Variants in USP25 observed in about 807,000 individuals in gnomAD.
The protein encoded by USP25 is ubiquitin carboxyl-terminal hydrolase 25.
USP25 carries 85 observed loss-of-function variants against 158.5 expected under a neutral mutation model. That is an observed-to-expected ratio of 0.54 (90% CI 0.45 to 0.64). USP25 has a LOEUF of 0.64. Among genes scored for constraint, USP25 ranks in the 30% least tolerant of loss-of-function variants. USP25 has a pLI of 0.00. For synonymous variants in USP25, 464 were observed against 460.4 expected, an observed-to-expected ratio of 1.01 and a Z score of -0.10; for missense variants, 1,242 against 1,327.3, an observed-to-expected ratio of 0.94 and a Z score of 1.00.
intron 6 of USP25, among the ~76,000 whole-genome samples, chr21:15,800,068 C>T (rs886775466): frequency 1.7e-4 from 25 of 150,988 alleles, no homozygotes; most frequent in Non-Finnish European, 3.1e-4. Context: ...TTTGGTGTCG[C>T]TTTAGTAATT....
chr21:15,801,089 TCTC>T (rs2036112215), intron 6 of USP25, among the ~76,000 whole-genome samples: 1 of 151,528 alleles, frequency 6.6e-6, no homozygotes, highest in Admixed American at 6.6e-5. Flanking sequence ...TCTTCTCTCT[TCTC>T]ATATCTCAAA....
At chr21:15,805,078 C>T (rs377081660) in intron 6 of USP25, 43 bp from the exon 7 acceptor site, 2 of 1,525,348 alleles carry the variant, frequency 1.3e-6, no homozygotes, top group Non-Finnish European at 8.7e-7. Context: ...TTTTCTTAAT[C>T]TTCAGTTAAG....
chr21:15,833,296 A>G (rs370246017), intron 16 of USP25, 52 bp from the exon 17 acceptor site: 20 of 1,544,584 alleles, frequency 1.3e-5, no homozygotes, highest in Non-Finnish European at 1.8e-5. Context: ...TGAGCTTTGC[A>G]TTTTCCCTTT....
intron 3 of USP25, 102 bp from the exon 4 acceptor site, chr21:15,777,802 A>C: frequency 1.8e-6 from 2 of 1,087,128 alleles, no homozygotes; most frequent in East Asian, 5.7e-5. Context: ...ATTAGTTGGT[A>C]CTGACTGGTT....
chr21:15,765,947 T>C (rs754532808), intron 2 of USP25, 50 bp from the exon 3 acceptor site: 16 of 1,550,364 alleles, frequency 1.0e-5, no homozygotes, highest in Middle Eastern at 3.5e-4. Flanking sequence ...CTTTTTTTGA[T>C]GGATAAAATT....
chr21:15,870,111 A>G lies in USP25; in HGVS notation c.2849A>G (p.Tyr950Cys), dbSNP rs1193093910. Residue 950 changes from tyrosine to cysteine, a missense_variant, in exon 23 of 26, where the codon TAT becomes TGT. Transcript: ENST00000400183. ...DYRKFRETTMYLIIGLENFQR... is the reference protein window; with the variant it reads ...DYRKFRETTMCLIIGLENFQR... Reference sequence around the variant, plus strand: ...AGGAAATTCAGGGAAACAACTATGTATCTCATAATTGGGCTAGAAAATTTT... The same window carrying G: ...AGGAAATTCAGGGAAACAACTATGTGTCTCATAATTGGGCTAGAAAATTTT... 1.1e-5 allele frequency: 18 copies of G among 1,609,942 alleles called. No homozygotes were observed. The highest frequency in any genetic ancestry group is 8.5e-7 in the Non-Finnish European group (1 of 1,178,172).
At chr21:15,857,923 C>T (rs1402797964) in intron 20 of USP25, among the ~76,000 whole-genome samples, 3 of 152,016 alleles carry the variant, frequency 2.0e-5, no homozygotes, top group African/African-American at 4.8e-5. Flanking sequence ...CTCCTTTTCA[C>T]GCTGACTTGA....
intron 14 of USP25, among the ~76,000 whole-genome samples, chr21:15,828,911 A>G (rs1433204726): frequency 6.6e-6 from 1 of 152,198 alleles, no homozygotes; most frequent in Non-Finnish European, 1.5e-5. Context: ...TGCTGGGATT[A>G]CAGGCGTGAG....
intron 6 of USP25, among the ~76,000 whole-genome samples, chr21:15,800,255 C>G (rs1221247533): frequency 4.0e-5 from 6 of 151,160 alleles, no homozygotes; most frequent in Admixed American, 3.3e-4. Flanking sequence ...CAGTACAAAT[C>G]TGTATCTTTC....
At chr21:15,807,372 T>C (rs1490197874) in intron 7 of USP25, among the ~76,000 whole-genome samples, 1 of 152,256 alleles carries the variant, frequency 6.6e-6, no homozygotes, top group African/African-American at 2.4e-5. Context: ...TTGGATGTAA[T>C]GTTTAAGTGA....
At position 15,878,634 on chromosome 21, in the gene USP25, C is replaced by T. The variant is rs1433308149; in HGVS notation, c.*159C>T. ...GACTATACAGACTTTAGTCAGACTG[C>T]AGACAATAAAGCTGAAAATCGCATG... On this transcript the variant is annotated 3_prime_UTR_variant, in exon 26 of 26. Coordinates refer to ENST00000400183, the MANE Select transcript of USP25 (RefSeq NM_001283041.3). 1 of 663,274 alleles carries T rather than the reference C, an allele frequency of 1.5e-6. No homozygotes were observed. The highest frequency in any genetic ancestry group is 3.2e-5 in the East Asian group (1 of 30,994). 41.1% of individuals were successfully genotyped at this position (663,274 alleles called of 1,614,324 possible). A position where few individuals can be genotyped will look rare whatever the true frequency, so the allele number is the denominator to read the frequency against.
chr21:15,871,720 C>T (rs1362130739), intron 23 of USP25, among the ~76,000 whole-genome samples: 2 of 152,070 alleles, frequency 1.3e-5, no homozygotes, highest in Non-Finnish European at 2.9e-5. Context: ...ATTTGCTTGT[C>T]AGTTTTCAAA....
chr21:15,734,667 A>G (rs892396759), intron 1 of USP25, among the ~76,000 whole-genome samples: 1 of 152,040 alleles, frequency 6.6e-6, no homozygotes, highest in Non-Finnish European at 1.5e-5. Context: ...TATTTTTACC[A>G]CTTATTACTT....
chr21:15,784,577 A>C (rs966344039), intron 4 of USP25, among the ~76,000 whole-genome samples: 1 of 152,200 alleles, frequency 6.6e-6, no homozygotes, highest in African/African-American at 2.4e-5. Context: ...TGTTTCAAAA[A>C]AAAAAAGATA....
At chr21:15,736,297 C>T (rs1049849998) in intron 1 of USP25, among the ~76,000 whole-genome samples, 4 of 152,058 alleles carry the variant, frequency 2.6e-5, no homozygotes, top group Non-Finnish European at 4.4e-5. Flanking sequence ...AGGGTTTCAT[C>T]GTGTTGGCCA....
chr21:15,874,540 A>G lies in USP25; in HGVS notation c.3009+14A>G. ...GAATGTTTGCTAGTAAGTTGAATGC[A>G]TATAGTATGATCTTATCATTTTGTC... On this transcript the variant is annotated intron_variant, in intron 24 of 25. Transcript: ENST00000400183. 3 of 1,587,404 alleles carry G rather than the reference A, an allele frequency of 1.9e-6. No homozygotes were observed. Among genetic ancestry groups the G allele is most frequent in the South Asian group, 1.2e-5 (1 of 86,738 alleles).
At chr21:15,859,107 A>C (rs903944106) in intron 20 of USP25, among the ~76,000 whole-genome samples, 1 of 149,674 alleles carries the variant, frequency 6.7e-6, no homozygotes, top group Non-Finnish European at 1.5e-5. Context: ...TATATTTGTC[A>C]ATTTTGGATA....
chr21:15,801,721 T>C (rs1022610272), intron 6 of USP25, among the ~76,000 whole-genome samples: 1 of 151,626 alleles, frequency 6.6e-6, no homozygotes, highest in Admixed American at 6.6e-5. Context: ...TTGAACACTT[T>C]GTCTTAAGTT....
At chr21:15,734,394 G>T (rs759784255) in intron 1 of USP25, among the ~76,000 whole-genome samples, 9 of 152,142 alleles carry the variant, frequency 5.9e-5, no homozygotes, top group Non-Finnish European at 1.0e-4. Context: ...TTACTTAAAG[G>T]AGGCATTCTT....
Sources: gnomAD v4.1 joint callset for allele counts (sites outside exome capture counted in the v4.1 genomes callset) on GRCh38, gnomAD v4.1.1 for gene constraint, MANE v1.5 for transcripts, NCBI Gene and HGNC (gene_info 2026-07-23, HGNC 2026-07-21) for gene names.